IGFL2: variants seen among roughly 807,000 people sequenced by gnomAD.
The protein encoded by IGFL2 is insulin growth factor-like family member 2.
IGFL2 carries 7 observed loss-of-function variants against 13.9 expected under a neutral mutation model. The observed-to-expected ratio is 0.51, with a 90% CI of 0.29 to 0.95. The LOEUF is 0.95. Among genes scored for constraint, IGFL2 ranks in the 40% least tolerant of loss-of-function variants. The pLI is 0.08. For synonymous variants in IGFL2, 55 were observed against 55.8 expected (o/e 0.99, Z 0.07); for missense variants, 138 against 147.8 (o/e 0.93, Z 0.34).
chr19:46,212,384 C>T, the IGFL2 span: 2 of 152,384 alleles, frequency 1.3e-5, no homozygotes, highest in South Asian at 2.1e-4. Flanking sequence ...CATACATCCC[C>T]TGCTGGGAAT....
chr19:46,174,001 A>G, the IGFL2 span: 3 of 152,276 alleles, frequency 2.0e-5, no homozygotes, highest in East Asian at 5.8e-4. Flanking sequence ...TGGACTGGGT[A>G]TGAGCCCATG....
chr19:46,079,540 C>T, the IGFL2 span, among the ~76,000 whole-genome samples: 16 of 152,282 alleles, frequency 1.1e-4, no homozygotes, highest in Middle Eastern at 3.4e-3. Context: ...GTTCTTTGCC[C>T]CTGGCCATGA....
At chr19:46,120,667 A>G in the IGFL2 span, among the ~76,000 whole-genome samples, 1 of 151,108 alleles carries the variant, frequency 6.6e-6, no homozygotes, top group African/African-American at 2.5e-5. Context: ...CAATACAGAG[A>G]TATCAGAAAT....
At chr19:46,135,379 A>C in the IGFL2 span, among the ~76,000 whole-genome samples, 3 of 151,958 alleles carry the variant, frequency 2.0e-5, no homozygotes, top group African/African-American at 7.3e-5. Context: ...GTATTTCTCT[A>C]TTTGGTATCC....
the IGFL2 span, among the ~76,000 whole-genome samples, chr19:46,126,420 C>A: frequency 1.3e-5 from 2 of 152,230 alleles, no homozygotes; most frequent in African/African-American, 4.8e-5. Flanking sequence ...CTAGCCCCTT[C>A]TTTCTTTGAA....
chr19:46,202,076 T>A, the IGFL2 span, among the ~76,000 whole-genome samples: 2 of 151,912 alleles, frequency 1.3e-5, no homozygotes, highest in African/African-American at 4.8e-5. Context: ...AGAGGTCGGA[T>A]GAGTTCACAG....
the IGFL2 span, among the ~76,000 whole-genome samples, chr19:46,126,609 C>T: frequency 2.0e-4 from 30 of 152,152 alleles, no homozygotes; most frequent in Non-Finnish European, 2.9e-5. Flanking sequence ...AAAATATGTA[C>T]TTGGGTTCAT....
At chr19:46,109,835 A>G in the IGFL2 span, among the ~76,000 whole-genome samples, 131 of 152,294 alleles carry the variant, frequency 8.6e-4, 1 homozygote, top group African/African-American at 2.9e-3. Context: ...ACAAATCACA[A>G]TGGTGGAATG....
intron 1 of IGFL2, among the ~76,000 whole-genome samples, chr19:46,157,230 C>G (rs1195836946): frequency 6.6e-6 from 1 of 152,140 alleles, no homozygotes; most frequent in Non-Finnish European, 1.5e-5. Flanking sequence ...TGCACAATCT[C>G]ATCCAGAGAA....
the IGFL2 span, among the ~76,000 whole-genome samples, chr19:46,184,174 T>C: frequency 5.3e-5 from 8 of 152,238 alleles, no homozygotes; most frequent in African/African-American, 1.9e-4. Context: ...TTGTGGGTCA[T>C]AATCAACCAC....
chr19:46,102,973 T>A, the IGFL2 span, among the ~76,000 whole-genome samples: 1 of 152,144 alleles, frequency 6.6e-6, no homozygotes, highest in Non-Finnish European at 1.5e-5. Context: ...AAGGAACATT[T>A]GTCATATAGA....
At chr19:46,139,020 A>T (rs1266429926), upstream of IGFL2, among the ~76,000 whole-genome samples, 1 of 151,982 alleles carries the variant, frequency 6.6e-6, no homozygotes, top group Non-Finnish European at 1.5e-5. Flanking sequence ...GCAAATGTCC[A>T]TGGGGGCTGT....
At chr19:46,206,662 T>A in the IGFL2 span, 1 of 152,338 alleles carries the variant, frequency 6.6e-6, no homozygotes, top group East Asian at 1.9e-4. Flanking sequence ...TGAACACTGA[T>A]GAATAAGACA....
chr19:46,176,009 ATTTTTTTT>A, the IGFL2 span, among the ~76,000 whole-genome samples: 3,725 of 71,948 alleles, frequency 0.052, 98 homozygotes, highest in African/African-American at 0.11. Flanking sequence ...CGCCCGACTA[ATTTTTTTT>A]TTTTTTTTTT....
At chr19:46,198,866 C>A in the IGFL2 span, among the ~76,000 whole-genome samples, 4 of 152,152 alleles carry the variant, frequency 2.6e-5, no homozygotes, top group African/African-American at 4.8e-5. Flanking sequence ...GGGAGGGGCT[C>A]CTTGAGGCCA....
the IGFL2 span, among the ~76,000 whole-genome samples, chr19:46,129,558 T>A: frequency 3.9e-5 from 6 of 152,290 alleles, no homozygotes; most frequent in East Asian, 1.2e-3. Flanking sequence ...TGGTATATTG[T>A]ATCTTTGTTC....
the IGFL2 span, chr19:46,137,188 C>T: frequency 1.3e-6 from 2 of 1,593,088 alleles, no homozygotes; most frequent in African/African-American, 2.7e-5. Flanking sequence ...CCATCACAAA[C>T]TTCACAGAGC....
At chr19:46,168,415 A>G in the IGFL2 span, among the ~76,000 whole-genome samples, 2 of 152,238 alleles carry the variant, frequency 1.3e-5, no homozygotes, top group East Asian at 1.9e-4. Context: ...AATATTTTCA[A>G]TTTTCAGGCC....
chr19:46,079,170 C>T, the IGFL2 span, among the ~76,000 whole-genome samples: 3 of 152,280 alleles, frequency 2.0e-5, no homozygotes, highest in Non-Finnish European at 4.4e-5. Flanking sequence ...GCGGCTTTGG[C>T]CGCCATGTTT....
Sources: gnomAD v4.1 joint callset for allele counts (sites outside exome capture counted in the v4.1 genomes callset) on GRCh38, gnomAD v4.1.1 for gene constraint, MANE v1.5 for transcripts, NCBI Gene and HGNC (gene_info 2026-07-23, HGNC 2026-07-21) for gene names.